PCDH7: variants seen among roughly 807,000 people sequenced by gnomAD.
PCDH7 encodes protocadherin-7.
Under a neutral mutation model 58.9 loss-of-function variants are expected in PCDH7, and 17 were observed. The observed-to-expected ratio is 0.29, with a 90% CI of 0.20 to 0.43. The LOEUF (loss-of-function observed/expected upper bound fraction) is 0.43. PCDH7 is among the 20% of genes least tolerant of loss of function. The pLI, the probability that PCDH7 is intolerant of heterozygous loss-of-function variation, is 1.00. For synonymous variants in PCDH7, 664 were observed against 616.4 expected, an observed-to-expected ratio of 1.08 and a Z score of -1.14; for missense variants, 1,274 against 1,441.0, an observed-to-expected ratio of 0.88 and a Z score of 1.88.
At chr4:31,039,276 T>G (rs1755655692) in intron 3 of PCDH7, among the ~76,000 whole-genome samples, 1 of 152,242 alleles carries the variant, frequency 6.6e-6, no homozygotes, top group African/African-American at 2.4e-5. Context: ...AGGCAAATAT[T>G]AGAGCTGCTC....
At chr4:31,117,234 G>A (rs914780597) in intron 3 of PCDH7, among the ~76,000 whole-genome samples, 6 of 152,012 alleles carry the variant, frequency 3.9e-5, no homozygotes, top group African/African-American at 1.4e-4. Context: ...TAGCAACTAG[G>A]GAAGTTAAAG....
At chr4:31,087,525 A>G (rs1261987081) in intron 3 of PCDH7, among the ~76,000 whole-genome samples, 1 of 152,126 alleles carries the variant, frequency 6.6e-6, no homozygotes, top group Non-Finnish European at 1.5e-5. Context: ...CCAGTCTGGT[A>G]TCTAGAGATA....
chr4:31,115,047 G>A (rs1261225121), intron 3 of PCDH7, among the ~76,000 whole-genome samples: 1 of 152,114 alleles, frequency 6.6e-6, no homozygotes, highest in Non-Finnish European at 1.5e-5. Context: ...GGGACGCAAT[G>A]ATTCAGTTTT....
At chr4:30,876,778 T>C (rs1353874897) in intron 1 of PCDH7, among the ~76,000 whole-genome samples, 3 of 152,054 alleles carry the variant, frequency 2.0e-5, no homozygotes, top group Admixed American at 2.0e-4. Flanking sequence ...GGAATACATA[T>C]GCAGAATGTC....
chr4:30,898,002 C>A (rs905232257), intron 1 of PCDH7, among the ~76,000 whole-genome samples: 3 of 152,114 alleles, frequency 2.0e-5, no homozygotes, highest in African/African-American at 7.2e-5. Flanking sequence ...TTTCTTTCCT[C>A]CCAAAGGTAC....
At chr4:30,759,883 T>C (rs1283709375) in intron 1 of PCDH7, among the ~76,000 whole-genome samples, 1 of 152,152 alleles carries the variant, frequency 6.6e-6, no homozygotes, top group Non-Finnish European at 1.5e-5. Flanking sequence ...TCATAACTCA[T>C]GTGGCTCAAA....
At chr4:30,935,409 A>G (rs973929032) in intron 2 of PCDH7, 4 of 523,194 alleles carry the variant, frequency 7.6e-6, no homozygotes, top group East Asian at 1.5e-4. Context: ...CTAAGAGTAC[A>G]TGGGTCTCTA....
chr4:31,102,695 T>G (rs1366534584), intron 3 of PCDH7, among the ~76,000 whole-genome samples: 1 of 151,910 alleles, frequency 6.6e-6, no homozygotes, highest in Non-Finnish European at 1.5e-5. Context: ...AAAAATCTTA[T>G]GAAAGGTGTA....
In PCDH7 at chr4:31,069,109, C is replaced by T. The variant is rs117971215; in HGVS notation, c.*8-73364C>T. Among the ~76,000 whole-genome samples the T allele has an allele frequency of 4.3e-4, 66 of 152,006 alleles. 1 individual carries two copies. In the East Asian group the frequency reaches 0.013, roughly 29 times the overall value. Reference sequence around the variant, plus strand: ...TGTTATGTTCGAGCTAAATGCCAAACTGATAGACTAAGAATACCTTTAAAA... The same window carrying T: ...TGTTATGTTCGAGCTAAATGCCAAATTGATAGACTAAGAATACCTTTAAAA... On this transcript the variant is annotated intron_variant, in intron 3 of 3. Coordinates refer to the PCDH7 transcript ENST00000509759.
chr4:30,918,006 T>G (rs1742699558), intron 1 of PCDH7, among the ~76,000 whole-genome samples: 2 of 152,178 alleles, frequency 1.3e-5, no homozygotes, highest in African/African-American at 4.8e-5. Context: ...TCTGTATTCA[T>G]TTTGAGTTTT....
At chr4:31,008,178 A>T (rs899449974) in intron 3 of PCDH7, among the ~76,000 whole-genome samples, 43 of 152,172 alleles carry the variant, frequency 2.8e-4, no homozygotes, top group Non-Finnish European at 5.4e-4. Context: ...TGAAAAAAAA[A>T]TGAAATCAAG....
chr4:31,084,433 G>A (rs975868573), intron 3 of PCDH7, among the ~76,000 whole-genome samples: 3 of 151,868 alleles, frequency 2.0e-5, no homozygotes, highest in African/African-American at 4.8e-5. Context: ...AGTTGAATAC[G>A]AGTGTAGTGT....
At chr4:31,041,619 T>C (rs1438941539) in intron 3 of PCDH7, among the ~76,000 whole-genome samples, 1 of 151,924 alleles carries the variant, frequency 6.6e-6, no homozygotes, top group Non-Finnish European at 1.5e-5. Flanking sequence ...CGAAAAGAAT[T>C]GTCCCCAACT....
intron 3 of PCDH7, among the ~76,000 whole-genome samples, chr4:31,074,722 T>C (rs1351181709): frequency 1.5e-5 from 2 of 136,364 alleles, no homozygotes. Flanking sequence ...GAGGTGGAGG[T>C]TGCAGTGAGC....
chr4:30,770,605 T>C (rs1265714462), intron 1 of PCDH7, among the ~76,000 whole-genome samples: 1 of 152,212 alleles, frequency 6.6e-6, no homozygotes, highest in Non-Finnish European at 1.5e-5. Flanking sequence ...TCATGCTAAC[T>C]ACTCTTCTAG....
At chr4:31,094,518 A>G (rs763079431) in intron 3 of PCDH7, among the ~76,000 whole-genome samples, 2 of 152,182 alleles carry the variant, frequency 1.3e-5, no homozygotes, top group African/African-American at 2.4e-5. Flanking sequence ...GGAATGTTTT[A>G]GTTTATACTG....
Position 30,722,413 on chromosome 4 carries a change from C to A in PCDH7, c.991C>A (p.Arg331Ser), listed in dbSNP as rs1369417529. The change falls in exon 1 of 2, where the codon CGC becomes AGC. Residue 331 changes from arginine (R) to serine (S), a missense_variant. Transcript: ENST00000361762. The surrounding 1 kb of genome is among the most constrained non-coding windows in gnomAD (Gnocchi z 7.6). ...CCCGGGGACCCCCATCCTGCAACTG[C>A]GCGCAGCCGACTTGGACGTGGGGGT... 1.9e-6 allele frequency: 3 copies of A among 1,612,552 alleles called. No individual in the cohort carries two copies. The highest frequency in any genetic ancestry group is 1.7e-6 in the Non-Finnish European group (2 of 1,179,890).
intron 1 of PCDH7, among the ~76,000 whole-genome samples, chr4:30,769,859 A>T (rs1352211539): frequency 6.6e-6 from 1 of 152,202 alleles, no homozygotes; most frequent in East Asian, 1.9e-4. Flanking sequence ...CCATCCTGCA[A>T]AGTCAGGGAT....
chr4:30,920,188 G>A (rs1278762197), exon 2 of PCDH7: 2 of 1,367,690 alleles, frequency 1.5e-6, no homozygotes, highest in Admixed American at 3.8e-5. Context: ...TTGTGAGTCA[G>A]CCTCAGGACC....
Sources: allele counts gnomAD v4.1 joint callset (sites outside exome capture counted in the v4.1 genomes callset), GRCh38; gene constraint gnomAD v4.1.1; non-coding constraint Gnocchi (gnomAD v3.1); transcripts MANE v1.5; gene names NCBI Gene and HGNC (gene_info 2026-07-23, HGNC 2026-07-21).